Variants in RBFOX1 observed in about 807,000 individuals in gnomAD.
RBFOX1 encodes RNA binding fox-1 homolog 1.
Under a neutral mutation model 57.7 loss-of-function variants are expected in RBFOX1, and 8 were observed. The ratio of observed to expected loss-of-function variants is 0.14; its 90% CI spans 0.08 to 0.25. RBFOX1 has a LOEUF of 0.25. Ranked by LOEUF, RBFOX1 falls within the 10% of genes least tolerant of loss-of-function variation. The pLI, the probability that RBFOX1 is intolerant of heterozygous loss-of-function variation, is 1.00. For synonymous variants in RBFOX1, 326 were observed against 222.4 expected (o/e 1.47, Z -4.15); for missense variants, 611 against 548.5 (o/e 1.11, Z -1.14).
chr16:6,824,058 C>G (rs1016250928), intron 3 of RBFOX1, among the ~76,000 whole-genome samples: 1 of 152,198 alleles, frequency 6.6e-6, no homozygotes, highest in Non-Finnish European at 1.5e-5. Context: ...ATATCTTTGT[C>G]TACACCTTGT....
intron 4 of RBFOX1, among the ~76,000 whole-genome samples, chr16:7,406,555 T>C (rs1292737219): frequency 1.3e-5 from 2 of 152,136 alleles, no homozygotes; most frequent in Non-Finnish European, 2.9e-5. Flanking sequence ...GCAAAAACAT[T>C]TAGAAGGAAA....
intron 2 of RBFOX1, among the ~76,000 whole-genome samples, chr16:6,410,275 T>G (rs1235198592): frequency 6.7e-6 from 1 of 149,232 alleles, no homozygotes; most frequent in East Asian, 2.0e-4. Context: ...CTCCTTGGGG[T>G]GTCCTGCTGA....
intron 1 of RBFOX1, among the ~76,000 whole-genome samples, chr16:5,433,214 C>A (rs552408954): frequency 6.6e-6 from 1 of 152,168 alleles, no homozygotes; most frequent in Admixed American, 6.5e-5. Flanking sequence ...CTCCTTGATT[C>A]TCTTGGAAGC....
At chr16:5,450,502 C>T (rs1053428486) in intron 1 of RBFOX1, among the ~76,000 whole-genome samples, 6 of 152,144 alleles carry the variant, frequency 3.9e-5, no homozygotes, top group African/African-American at 1.2e-4. Flanking sequence ...GCGTGTGGGG[C>T]GGGCCTCTCT....
chr16:7,353,004 C>G (rs1603627052), intron 4 of RBFOX1, among the ~76,000 whole-genome samples: 1 of 152,158 alleles, frequency 6.6e-6, no homozygotes, highest in South Asian at 2.1e-4. Context: ...GTATGAGCCA[C>G]TGCACCCAGC....
At chr16:6,362,014 C>G (rs2088639110) in intron 2 of RBFOX1, among the ~76,000 whole-genome samples, 1 of 152,080 alleles carries the variant, frequency 6.6e-6, no homozygotes, top group Non-Finnish European at 1.5e-5. Context: ...AGCCTTCATG[C>G]TCAAGGAGCT....
intron 4 of RBFOX1, among the ~76,000 whole-genome samples, chr16:7,414,238 A>G (rs1166368599): frequency 1.3e-5 from 2 of 152,188 alleles, no homozygotes; most frequent in Non-Finnish European, 2.9e-5. Context: ...AATGGACAAA[A>G]CCGAGTGCTC....
intron 1 of RBFOX1, among the ~76,000 whole-genome samples, chr16:5,306,451 C>T (rs116299603): frequency 0.019 from 2,865 of 151,972 alleles, 78 homozygotes; most frequent in African/African-American, 0.065. Context: ...TTCTAAATAG[C>T]TGGGATTATA....
intron 3 of RBFOX1, among the ~76,000 whole-genome samples, chr16:6,693,197 C>T (rs1353467372): frequency 1.3e-5 from 2 of 151,578 alleles, no homozygotes; most frequent in Non-Finnish European, 2.9e-5. Context: ...CATCCGCTAC[C>T]ATCACCACCA....
intron 4 of RBFOX1, among the ~76,000 whole-genome samples, chr16:5,931,967 C>T (rs7198144): frequency 0.011 from 1,509 of 139,794 alleles, 32 homozygotes; most frequent in African/African-American, 0.035. Context: ...ACCATCACTC[C>T]TAGCTAATTT....
intron 2 of RBFOX1, among the ~76,000 whole-genome samples, chr16:6,481,630 C>G (rs2095372444): frequency 6.6e-6 from 1 of 152,172 alleles, no homozygotes; most frequent in Non-Finnish European, 1.5e-5. Context: ...AAGCGAAAGT[C>G]TAAACCCCTT....
Position 5,922,210 on chromosome 16 carries a change from G to A in RBFOX1, c.351+54875G>A, listed in dbSNP as rs569417719. Among the ~76,000 whole-genome samples, 120 of 152,208 alleles carry A rather than the reference G, an allele frequency of 7.9e-4. 3 individuals carry two copies. In the South Asian group the frequency reaches 0.023, roughly 30 times the overall value. On this transcript the variant is annotated intron_variant, in intron 4 of 19. Coordinates refer to the RBFOX1 transcript ENST00000641259. ...CTAGCTCTCTATGTGAACTCAGAGC[G>A]AGAACTCACTCATCACCAAGGGGAT...
intron 4 of RBFOX1, among the ~76,000 whole-genome samples, chr16:5,877,223 G>A (rs998907839): frequency 5.3e-5 from 8 of 152,226 alleles, no homozygotes; most frequent in African/African-American, 1.9e-4. Context: ...GGACTTCTTT[G>A]GAGGGGTCAC....
chr16:6,837,565 G>C (rs981988264), intron 3 of RBFOX1, among the ~76,000 whole-genome samples: 1 of 152,078 alleles, frequency 6.6e-6, no homozygotes, highest in Non-Finnish European at 1.5e-5. Context: ...GTGAGTACTG[G>C]GCTCAGACTG....
intron 3 of RBFOX1, among the ~76,000 whole-genome samples, chr16:6,676,250 G>A (rs2057665289): frequency 6.6e-6 from 1 of 152,046 alleles, no homozygotes; most frequent in South Asian, 2.1e-4. Context: ...TAGTTACGGG[G>A]AGTTCGGAGG....
At chr16:5,350,298 G>A (rs1210367139) in intron 1 of RBFOX1, among the ~76,000 whole-genome samples, 1 of 152,148 alleles carries the variant, frequency 6.6e-6, no homozygotes, top group African/African-American at 2.4e-5. Context: ...GGGGCATGAA[G>A]CATACTGTTG....
chr16:6,802,091 C>G (rs1603626593), intron 3 of RBFOX1, among the ~76,000 whole-genome samples: 1 of 152,004 alleles, frequency 6.6e-6, no homozygotes, highest in Non-Finnish European at 1.5e-5. Context: ...TTGTTTAATC[C>G]TAAACAAGTC....
chr16:6,926,933 C>G (rs1432486651), intron 3 of RBFOX1, among the ~76,000 whole-genome samples: 1 of 152,152 alleles, frequency 6.6e-6, no homozygotes, highest in Non-Finnish European at 1.5e-5. Flanking sequence ...GTTGTCACTG[C>G]TGGAATGCAG....
At chr16:6,512,850 C>G (rs2096282325) in intron 2 of RBFOX1, among the ~76,000 whole-genome samples, 1 of 152,144 alleles carries the variant, frequency 6.6e-6, no homozygotes, top group Admixed American at 6.6e-5. Flanking sequence ...CCAATGCTGG[C>G]CCATGAAGGG....
Sources: allele counts gnomAD v4.1 joint callset (sites outside exome capture counted in the v4.1 genomes callset), GRCh38; gene constraint gnomAD v4.1.1; transcripts MANE v1.5; gene names NCBI Gene and HGNC (gene_info 2026-07-23, HGNC 2026-07-21).